Variants in SMARCA2 observed in about 807,000 individuals in gnomAD.
SMARCA2 encodes the protein SWI/SNF-related matrix-associated actin-dependent regulator of chromatin subfamily A member 2.
In SMARCA2, 61 loss-of-function variants were observed where a neutral mutation model predicts 199.8. That is an observed-to-expected ratio of 0.31 (90% CI 0.25 to 0.38). The LOEUF is 0.38. Among genes scored for constraint, SMARCA2 ranks in the 10% least tolerant of loss-of-function variants. The pLI is 1.00. For missense variants in SMARCA2, 1,344 were observed against 2,012.2 expected (o/e 0.67, Z 6.35); for synonymous variants, 935 against 732.0 (o/e 1.28, Z -4.48).
intron 27 of SMARCA2, among the ~76,000 whole-genome samples, chr9:2,128,842 G>T (rs184888002): frequency 5.3e-5 from 8 of 152,272 alleles, no homozygotes; most frequent in Admixed American, 4.6e-4. Flanking sequence ...CTTGGATTCT[G>T]AAGGGGGAGT....
At chr9:2,149,008 G>T (rs1011642731) in intron 27 of SMARCA2, among the ~76,000 whole-genome samples, 1 of 151,578 alleles carries the variant, frequency 6.6e-6, no homozygotes, top group Non-Finnish European at 1.5e-5. Context: ...TGGAAGCCAT[G>T]CAGGGCCAGA....
intron 27 of SMARCA2, among the ~76,000 whole-genome samples, chr9:2,148,110 T>G (rs922159846): frequency 1.3e-5 from 2 of 151,764 alleles, no homozygotes; most frequent in Non-Finnish European, 3.0e-5. Flanking sequence ...GCTGCTGTTT[T>G]TAAAGAAACT....
At chr9:2,171,271 T>C (rs944747528) in intron 29 of SMARCA2, among the ~76,000 whole-genome samples, 1 of 152,208 alleles carries the variant, frequency 6.6e-6, no homozygotes, top group African/African-American at 2.4e-5. Context: ...TACAGTGCTT[T>C]ACCATCCATA....
chr9:2,142,912 G>T (rs80202642), intron 27 of SMARCA2, among the ~76,000 whole-genome samples: 156 of 152,128 alleles, frequency 1.0e-3, no homozygotes, highest in African/African-American at 3.6e-3. Context: ...AACATTTTTG[G>T]GTCCCATTGG....
rs555106989 is a variant in SMARCA2, at chr9:2,144,079, A to G, written c.3982-17607A>G. Among the ~76,000 whole-genome samples the G allele has an allele frequency of 2.0e-3, 296 of 150,844 alleles. 1 individual carries two copies. The highest frequency in any genetic ancestry group is 4.4e-3 in the Admixed American group (66 of 15,110). ...TAGGGGAGCCGGGAGATGGGGGGGG[A>G]TGTAGGCATTTCTTTTGAGGGGGCA... On this transcript the variant is annotated intron_variant, in intron 27 of 33. Transcript: ENST00000349721.
intron 8 of SMARCA2, 56 bp from the exon 9 acceptor site, chr9:2,060,760 T>G: frequency 2.6e-6 from 4 of 1,523,020 alleles, no homozygotes; most frequent in Non-Finnish European, 3.6e-6. Context: ...GAGTGGAGAG[T>G]GGAGTTGTCT....
chr9:2,149,175 A>T (rs1260928487), intron 27 of SMARCA2, among the ~76,000 whole-genome samples: 1 of 151,304 alleles, frequency 6.6e-6, no homozygotes, highest in South Asian at 2.1e-4. Flanking sequence ...AGGAGGCAAA[A>T]GGCACTTCTT....
At chr9:2,089,473 TTTGGACAGA>T (rs1821956406) in intron 19 of SMARCA2, among the ~76,000 whole-genome samples, 2 of 152,190 alleles carry the variant, frequency 1.3e-5, no homozygotes, top group African/African-American at 4.8e-5. Context: ...CGACTCTATT[TTTGGACAGA>T]TTGGTTCATC....
At chr9:2,138,290 C>A (rs1047168255) in intron 27 of SMARCA2, among the ~76,000 whole-genome samples, 5 of 152,032 alleles carry the variant, frequency 3.3e-5, no homozygotes, top group Non-Finnish European at 7.4e-5. Flanking sequence ...TGCTATATGC[C>A]TTTTAGATGG....
At chr9:2,083,268 C>A (rs951803117) in intron 15 of SMARCA2, 79 bp from the exon 16 acceptor site, 1 of 905,102 alleles carries the variant, frequency 1.1e-6, no homozygotes, top group Non-Finnish European at 1.7e-6. Context: ...GAGGCCTGAA[C>A]ATGAATAAGA....
intron 4 of SMARCA2, 70 bp from the exon 5 acceptor site, chr9:2,047,159 G>A: frequency 9.9e-7 from 1 of 1,010,102 alleles, no homozygotes; most frequent in Non-Finnish European, 1.2e-6. Flanking sequence ...CCGGGGGGCG[G>A]CGGGCAGGCC....
chr9:2,179,518 T>TAGAG (rs1826860596), intron 29 of SMARCA2, among the ~76,000 whole-genome samples: 1 of 152,256 alleles, frequency 6.6e-6, no homozygotes, highest in African/African-American at 2.4e-5. Flanking sequence ...TTTATGAGCA[T>TAGAG]AGAGAACTCT....
rs1818371919 is a variant in SMARCA2, at chr9:2,016,785, C to A, written c.-37+1381C>A. Among the ~76,000 whole-genome samples the A allele has an allele frequency of 6.6e-6, 1 of 152,208 alleles. No individual in the cohort carries two copies. Among genetic ancestry groups the A allele is most frequent in the African/African-American group, 2.4e-5 (1 of 41,462 alleles). On this transcript the variant is annotated intron_variant, in intron 1 of 33. Coordinates refer to ENST00000349721, the MANE Select transcript of SMARCA2 (RefSeq NM_003070.5). The surrounding 1 kb of genome is among the most constrained non-coding windows in gnomAD (Gnocchi z 5.6). ...GCTCAGGAGTTTGCTTTATTCCCAT[C>A]CCAACCTGGTTTACCCCTTCCTTTG...
Position 2,032,998 on chromosome 9 carries a change from G to A in SMARCA2, c.272G>A (p.Cys91Tyr). ...HDKGIVEDIH[C>Y]GSMKGTGMRP... ...AAGGGGATTGTAGAAGACATCCATT[G>A]TGGATCCATGAAGGGCACTGGTATG... The change falls in exon 3 of 34, where the codon TGT (cysteine) becomes TAT (tyrosine). Residue 91 changes from cysteine (C) to tyrosine (Y), a missense_variant. Physicochemically the swap from Cys to Tyr is radical, Grantham distance 194. Around this residue, in one of 18 missense-constraint regions of SMARCA2, gnomAD observed 275 missense variants for 247.5 expected, o/e 1.11. Coordinates refer to ENST00000349721, the MANE Select transcript of SMARCA2 (RefSeq NM_003070.5). 1.2e-6 allele frequency: 2 copies of A among 1,614,050 alleles called. No homozygotes were observed. Among genetic ancestry groups the A allele is most frequent in the Non-Finnish European group, 1.7e-6 (2 of 1,179,892 alleles).
Position 2,123,018 on chromosome 9 carries a change from C to G in SMARCA2, c.3763-701C>G, listed in dbSNP as rs1005775837. ...GAATCCATTTCACTTACAACTAGAT[C>G]AGTTGGGATGCGATTACCTCTGAGC... On this transcript the variant is annotated intron_variant, in intron 26 of 33. Coordinates refer to ENST00000349721, the MANE Select transcript of SMARCA2 (RefSeq NM_003070.5). The surrounding 1 kb of genome is among the most constrained non-coding windows in gnomAD (Gnocchi z 4.1). 1.3e-5 allele frequency among the ~76,000 whole-genome samples: 2 copies of G among 152,142 alleles called. No homozygotes were observed. Among genetic ancestry groups the G allele is most frequent in the East Asian group, 1.9e-4 (1 of 5,192 alleles).
chr9:2,080,412 C>A (rs938542850), intron 14 of SMARCA2, among the ~76,000 whole-genome samples: 2 of 152,138 alleles, frequency 1.3e-5, no homozygotes, highest in Admixed American at 1.3e-4. Context: ...AGCACAAACG[C>A]AAAATTCAGC....
Position 2,058,514 on chromosome 9 carries a change from C to G in SMARCA2, c.1521+50C>G, listed in dbSNP as rs752287305. The stretch of plus-strand genomic sequence containing the variant: ...AGGAAACTACTCAACCCACGTCCGT[C>G]TGCAATGAGACCATTAAATATGGTG... On this transcript the variant is annotated intron_variant, in intron 8 of 33. Coordinates refer to ENST00000349721, the MANE Select transcript of SMARCA2 (RefSeq NM_003070.5). 1.2e-5 allele frequency: 17 copies of G among 1,465,512 alleles called. No individual in the cohort carries two copies. The African/African-American group carries it at 2.2e-4, about 19-fold the overall frequency. 90.8% of individuals were successfully genotyped at this position (1,465,512 alleles called of 1,614,324 possible). A position where few individuals can be genotyped will look rare whatever the true frequency, so the allele number is the denominator to read the frequency against.
chr9:2,101,750 C>G, intron 22 of SMARCA2, 134 bp downstream of exon 22: 1 of 484,982 alleles, frequency 2.1e-6, no homozygotes, highest in Non-Finnish European at 3.7e-6. Context: ...GAGAAGTTAA[C>G]CAAAACGGTA....
intron 26 of SMARCA2, among the ~76,000 whole-genome samples, chr9:2,121,606 CATT>C (rs1477695495): frequency 6.6e-6 from 1 of 152,094 alleles, no homozygotes; most frequent in Non-Finnish European, 1.5e-5. Context: ...ACTCTTTATC[CATT>C]ATTAGAAAAG....
Sources: allele counts gnomAD v4.1 joint callset (sites outside exome capture counted in the v4.1 genomes callset), GRCh38; gene constraint gnomAD v4.1.1; regional missense constraint gnomAD v4.1.1; non-coding constraint Gnocchi (gnomAD v3.1); transcripts MANE v1.5; gene names NCBI Gene and HGNC (gene_info 2026-07-23, HGNC 2026-07-21).